Variants in PLEKHA8 observed in about 807,000 individuals in gnomAD.
PLEKHA8 encodes the protein pleckstrin homology domain containing A8, also known as pleckstrin homology domain-containing family A member 8.
A neutral mutation model predicts 68.2 loss-of-function variants in PLEKHA8; 36 were observed. The ratio of observed to expected loss-of-function variants is 0.53; its 90% CI spans 0.40 to 0.70. PLEKHA8 has a LOEUF of 0.70. Among genes scored for constraint, PLEKHA8 ranks in the 30% least tolerant of loss-of-function variants. PLEKHA8 has a pLI of 0.00. For missense variants in PLEKHA8, 505 were observed against 615.4 expected (o/e 0.82, Z 1.90); for synonymous variants, 211 against 216.1 (o/e 0.98, Z 0.20).
intron 13 of PLEKHA8, among the ~76,000 whole-genome samples, chr7:30,127,825 T>G (rs1796801191): frequency 6.6e-6 from 1 of 152,242 alleles, no homozygotes; most frequent in Non-Finnish European, 1.5e-5. Context: ...TTACATTCAT[T>G]TCAGCATTCC....
chr7:30,098,437 A>G (rs1795716692), intron 13 of PLEKHA8, among the ~76,000 whole-genome samples: 2 of 152,246 alleles, frequency 1.3e-5, no homozygotes, highest in Admixed American at 6.5e-5. Context: ...GAGCCTACAG[A>G]GGCAGGCAGG....
chr7:30,034,472 A>G (rs954221885), intron 1 of PLEKHA8, among the ~76,000 whole-genome samples: 1 of 152,204 alleles, frequency 6.6e-6, no homozygotes, highest in African/African-American at 2.4e-5. Context: ...GCGAATAACC[A>G]AAAGCCTTAT....
At chr7:30,115,970 G>GTGCA (rs1287741842) in intron 13 of PLEKHA8, 1 of 108,490 alleles carries the variant, frequency 9.2e-6, no homozygotes, top group Non-Finnish European at 2.0e-5. Flanking sequence ...ATGCATACAT[G>GTGCA]TGCATGCATG....
chr7:30,062,181 T>C (rs997119022), intron 11 of PLEKHA8, among the ~76,000 whole-genome samples, 154 bp downstream of exon 11: 4 of 143,904 alleles, frequency 2.8e-5, no homozygotes, highest in African/African-American at 1.0e-4. Context: ...TACCACCTTA[T>C]TTTTTTTTTG....
chr7:30,041,774 G>T (rs1791557491), intron 1 of PLEKHA8, among the ~76,000 whole-genome samples: 1 of 151,990 alleles, frequency 6.6e-6, no homozygotes, highest in Non-Finnish European at 1.5e-5. Context: ...TCAGATTCTT[G>T]TAAGATAAAA....
intron 13 of PLEKHA8, among the ~76,000 whole-genome samples, chr7:30,098,568 G>A (rs918779704): frequency 6.6e-6 from 1 of 152,248 alleles, no homozygotes; most frequent in African/African-American, 2.4e-5. Flanking sequence ...CCGCCTTGCA[G>A]TTTGATCTCA....
rs539140016 is a variant in PLEKHA8 at position 30,096,753 on chromosome 7, C to A, written c.1362+22621C>A. Among the ~76,000 whole-genome samples, 3 of 152,302 alleles carry A rather than the reference C, an allele frequency of 2.0e-5. No homozygotes were observed. The South Asian group carries it at 6.2e-4, about 32-fold the overall frequency. ...TGAGATGGGTTTCCTGAATACAGCA[C>A]ACTGATGGGTCTTGACTCTTTATCC... On this transcript the variant is annotated intron_variant, in intron 13 of 13. Transcript: ENST00000396257.
chr7:30,073,563 TAAAAAA>T (rs35738941), intron 12 of PLEKHA8, among the ~76,000 whole-genome samples: 2 of 111,776 alleles, frequency 1.8e-5, no homozygotes, highest in South Asian at 2.9e-4. Context: ...TTGTGTTTCT[TAAAAAA>T]AAAAAAAAAA....
In PLEKHA8 at chr7:30,083,169, T is replaced by C. The variant is rs1795028958; in HGVS notation, c.*4382T>C. ...AGAGGGCCTGACTTCAGATACTCTT[T>C]GTGATCTTGTAAGGGCTCTACACAA... On this transcript the variant is annotated 3_prime_UTR_variant, in exon 14 of 14. Coordinates refer to ENST00000449726, the MANE Select transcript of PLEKHA8 (RefSeq NM_001197026.2). 1 of 983,532 alleles carries C rather than the reference T, an allele frequency of 1.0e-6. No homozygotes were observed. The highest frequency in any genetic ancestry group is 1.7e-5 in the African/African-American group (1 of 57,206). The allele number at this position is 983,532 out of a possible 1,614,324, so 60.9% of individuals were successfully genotyped here. A position where few individuals can be genotyped will look rare whatever the true frequency, so the allele number is the denominator to read the frequency against.
downstream of PLEKHA8, chr7:30,129,873 C>CGAAA (rs1796844211): frequency 6.4e-6 from 1 of 156,222 alleles, no homozygotes; most frequent in Non-Finnish European, 1.4e-5. Context: ...CCAAATGTTT[C>CGAAA]CATTGTGTCA....
At chr7:30,071,168 G>T (rs928957966) in intron 12 of PLEKHA8, among the ~76,000 whole-genome samples, 9 of 152,038 alleles carry the variant, frequency 5.9e-5, no homozygotes, top group Non-Finnish European at 1.2e-4. Context: ...CATCAATCAT[G>T]AAACCCAAAA....
At chr7:30,062,641 AAAT>A (rs1793531898) in intron 11 of PLEKHA8, 28 bp from the exon 12 acceptor site, 2 of 1,535,982 alleles carry the variant, frequency 1.3e-6, no homozygotes, top group South Asian at 2.2e-5. Context: ...TGAACTTTGA[AAAT>A]AATATTTCTT....
chr7:30,078,814 T>G lies in PLEKHA8; in HGVS notation c.*27T>G. ...GGCTGCTGGGCAGCACCTCCTAACTTCAGGGAATAAGTGCTAAAGTGTTTT... is the reference window on the plus strand; with the variant it reads ...GGCTGCTGGGCAGCACCTCCTAACTGCAGGGAATAAGTGCTAAAGTGTTTT... On this transcript the variant is annotated 3_prime_UTR_variant, in exon 14 of 14. Transcript: ENST00000449726. The G allele has an allele frequency of 6.2e-7, 1 of 1,607,940 alleles. No homozygotes were observed. The highest frequency in any genetic ancestry group is 1.3e-5 in the African/African-American group (1 of 74,798).
At chr7:30,052,961 C>A in intron 7 of PLEKHA8, 95 bp downstream of exon 7, 1 of 1,030,724 alleles carries the variant, frequency 9.7e-7, no homozygotes, top group East Asian at 2.9e-5. Context: ...AACCTCAAGA[C>A]CATGTAGTAG....
intron 13 of PLEKHA8, among the ~76,000 whole-genome samples, chr7:30,075,946 AAGAG>A (rs1470670333): frequency 1.3e-5 from 2 of 152,086 alleles, no homozygotes; most frequent in Admixed American, 1.3e-4. Context: ...TCATGGTAGA[AAGAG>A]AAGAAATTAA....
chr7:30,050,439 A>G lies in PLEKHA8; in HGVS notation c.603A>G (p.Lys201=). ...TTTCTTTGCTTCTTTTAAAGATGAA[A>G]CATCCTATTATACCAATTCATAATT... ...QLAMLKSSKM[K]HPIIPIHNSL... is the part of the protein sequence containing the mutation. The change falls in exon 6 of 14, where the codon AAA becomes AAG. Residue 201 remains lysine (K), a synonymous_variant. Coordinates refer to ENST00000449726, the MANE Select transcript of PLEKHA8 (RefSeq NM_001197026.2). The G allele has an allele frequency of 6.3e-7, 1 of 1,579,826 alleles. No individual in the cohort carries two copies. The highest frequency in any genetic ancestry group is 8.6e-7 in the Non-Finnish European group (1 of 1,165,610).
intron 13 of PLEKHA8, chr7:30,118,295 CA>C: frequency 2.8e-6 from 1 of 359,854 alleles, no homozygotes; most frequent in Non-Finnish European, 4.9e-6. Flanking sequence ...AATGAGGTCT[CA>C]AAAGAGAAAT....
rs77754116 is a variant in PLEKHA8 at position 30,123,030 on chromosome 7, C to T, written c.1363-6236C>T. Among the ~76,000 whole-genome samples, 337 of 152,222 alleles carry T rather than the reference C, an allele frequency of 2.2e-3. 2 individuals carry two copies. Among genetic ancestry groups the T allele is most frequent in the African/African-American group, 7.8e-3 (322 of 41,524 alleles). The stretch of plus-strand genomic sequence containing the variant: ...TACAAAGGTCTCCTGACTTTCCCCC[C>T]CCTAAGCTAGCTTGAATGAGTTCCT... On this transcript the variant is annotated intron_variant, in intron 13 of 13. Coordinates refer to the PLEKHA8 transcript ENST00000396257.
downstream of PLEKHA8, among the ~76,000 whole-genome samples, chr7:30,094,850 T>C (rs1014586404): frequency 3.9e-5 from 6 of 152,126 alleles, no homozygotes; most frequent in Non-Finnish European, 2.9e-5. Flanking sequence ...ACAAAGTACA[T>C]GAATTCATCA....
Sources: gnomAD v4.1 joint callset for allele counts (sites outside exome capture counted in the v4.1 genomes callset) on GRCh38, gnomAD v4.1.1 for gene constraint, MANE v1.5 for transcripts, NCBI Gene and HGNC (gene_info 2026-07-23, HGNC 2026-07-21) for gene names.